The following DOCK2 variants were observed in gnomAD, a reference collection of about 807,000 sequenced individuals.
DOCK2 encodes the protein dedicator of cytokinesis 2.
DOCK2 carries 87 observed loss-of-function variants against 248.9 expected under a neutral mutation model. That is an observed-to-expected ratio of 0.35 (90% CI 0.29 to 0.42). The LOEUF is 0.42. Ranked by LOEUF, DOCK2 falls within the 10% of genes least tolerant of loss-of-function variation. The pLI is 1.00. For missense variants in DOCK2, 1,747 were observed against 2,300.2 expected, an observed-to-expected ratio of 0.76 and a Z score of 4.92; for synonymous variants, 805 against 821.6, an observed-to-expected ratio of 0.98 and a Z score of 0.35.
chr5:169,712,060 T>C (rs1248464265), intron 16 of DOCK2, 53 bp downstream of exon 16: 3 of 1,613,498 alleles, frequency 1.9e-6, no homozygotes, highest in Non-Finnish European at 2.5e-6. Flanking sequence ...GGGAGAAGAA[T>C]GGAAGAGCTG....
At chr5:169,660,266 C>T (rs1462127060) in intron 2 of DOCK2, among the ~76,000 whole-genome samples, 5 of 152,050 alleles carry the variant, frequency 3.3e-5, no homozygotes, top group Admixed American at 2.0e-4. Flanking sequence ...CCCAGGAGTT[C>T]GAGGCTGCAG....
At chr5:169,997,875 C>T (rs1196261357) in intron 30 of DOCK2, 4 of 454,538 alleles carry the variant, frequency 8.8e-6, no homozygotes, top group Non-Finnish European at 1.8e-5. Flanking sequence ...TGGGCTTTCG[C>T]CTCTCAGAAG....
In DOCK2 at chr5:169,797,478, A is replaced by G. The variant is rs6885765; in HGVS notation, c.2555-5580A>G. On this transcript the variant is annotated intron_variant, in intron 25 of 51. Coordinates refer to ENST00000520908, the MANE Select transcript of DOCK2 (RefSeq NM_004946.3). Reference sequence around the variant, plus strand: ...CTTCAAGAGGGCTTTGCATTCAGGTAGGTAGCACTGACCGCCACATGACAA... The same window carrying G: ...CTTCAAGAGGGCTTTGCATTCAGGTGGGTAGCACTGACCGCCACATGACAA... 7.9e-3 allele frequency among the ~76,000 whole-genome samples: 1,196 copies of G among 152,338 alleles called. 17 individuals are homozygous for G. Among genetic ancestry groups the G allele is most frequent in the African/African-American group, 0.028 (1,147 of 41,566 alleles).
chr5:169,662,943 G>C (rs545479887), intron 2 of DOCK2, among the ~76,000 whole-genome samples: 1 of 152,126 alleles, frequency 6.6e-6, no homozygotes, highest in Non-Finnish European at 1.5e-5. Flanking sequence ...ACTCACTCCA[G>C]CATTAACTCA....
At position 169,873,828 on chromosome 5, in the gene DOCK2, G is replaced by A. The variant is rs142578655; in HGVS notation, c.2799+32976G>A. On this transcript the variant is annotated intron_variant, in intron 27 of 51. Transcript: ENST00000520908. ...CAGAAGCACTCTCAGACCTCCAACC[G>A]TGTGACCTCAAGCGGCTCACACAGC... Among the ~76,000 whole-genome samples, 70 of 152,262 alleles carry A rather than the reference G, an allele frequency of 4.6e-4. No homozygotes were observed. In the East Asian group the frequency reaches 0.012, roughly 26 times the overall value.
chr5:169,997,588 G>A (rs1464326567), intron 30 of DOCK2, among the ~76,000 whole-genome samples: 2 of 144,046 alleles, frequency 1.4e-5, no homozygotes, highest in Non-Finnish European at 3.0e-5. Flanking sequence ...TTAGGGAGTG[G>A]TGATGACTCT....
intron 27 of DOCK2, among the ~76,000 whole-genome samples, chr5:169,842,395 T>C (rs1036965418): frequency 1.3e-5 from 2 of 152,188 alleles, no homozygotes; most frequent in Non-Finnish European, 2.9e-5. Context: ...TCTCACTCTG[T>C]CGCCCAGGCT....
chr5:169,946,603 A>G (rs974164093), intron 27 of DOCK2, among the ~76,000 whole-genome samples: 13 of 152,202 alleles, frequency 8.5e-5, no homozygotes, highest in Non-Finnish European at 1.8e-4. Context: ...TCATTCCACC[A>G]GTCTACTGAG....
intron 26 of DOCK2, among the ~76,000 whole-genome samples, chr5:169,810,558 T>G (rs572879288): frequency 1.3e-5 from 2 of 152,124 alleles, no homozygotes; most frequent in African/African-American, 4.8e-5. Flanking sequence ...TACAAAAAGG[T>G]GGGTTGGTTA....
At chr5:169,941,951 C>A (rs1776261425) in intron 27 of DOCK2, among the ~76,000 whole-genome samples, 1 of 152,228 alleles carries the variant, frequency 6.6e-6, no homozygotes, top group Admixed American at 6.5e-5. Context: ...AAAAAACACA[C>A]ACCATTCAGA....
intron 27 of DOCK2, among the ~76,000 whole-genome samples, chr5:169,912,126 C>G (rs1248606050): frequency 6.6e-6 from 1 of 152,120 alleles, no homozygotes; most frequent in African/African-American, 2.4e-5. Context: ...ACAAGGGACC[C>G]TGGGTATAAA....
chr5:170,016,385 T>G (rs1215919075), intron 32 of DOCK2, among the ~76,000 whole-genome samples: 2 of 152,266 alleles, frequency 1.3e-5, no homozygotes, highest in Non-Finnish European at 2.9e-5. Flanking sequence ...TGCATGTGTA[T>G]GCATCTATGT....
intron 7 of DOCK2, among the ~76,000 whole-genome samples, chr5:169,682,459 G>A (rs940480910): frequency 6.6e-6 from 1 of 152,226 alleles, no homozygotes; most frequent in Non-Finnish European, 1.5e-5. Flanking sequence ...CACCAGGGGA[G>A]TTTAGGCAAT....
rs574785142 is a variant in DOCK2, at chr5:169,846,300, A to C, written c.2799+5448A>C. On this transcript the variant is annotated intron_variant, in intron 27 of 51. Coordinates refer to ENST00000520908, the MANE Select transcript of DOCK2 (RefSeq NM_004946.3). ...TGCAGTAAAAGGTTTTAGCCACTAAAATCACAGGAACCATGGGGCTAGGAT... is the reference window on the plus strand; with the variant it reads ...TGCAGTAAAAGGTTTTAGCCACTAACATCACAGGAACCATGGGGCTAGGAT... Among the ~76,000 whole-genome samples the C allele has an allele frequency of 3.3e-5, 5 of 152,236 alleles. No homozygotes were observed. The South Asian group carries it at 1.0e-3, about 32-fold the overall frequency.
chr5:169,676,758 T>C (rs1178296505), intron 6 of DOCK2, among the ~76,000 whole-genome samples: 1 of 152,174 alleles, frequency 6.6e-6, no homozygotes, highest in Non-Finnish European at 1.5e-5. Context: ...GGAGGAGTGA[T>C]CAGAATGAGC....
rs117743628 is a variant in DOCK2, at chr5:169,812,305, G to C, written c.2703+9099G>C. Among the ~76,000 whole-genome samples the C allele has an allele frequency of 2.8e-3, 422 of 152,318 alleles. 16 individuals carry two copies. In the East Asian group the frequency reaches 0.065, roughly 23 times the overall value. ...AGTCTAGGGTGCATGCTCCTTATGA[G>C]AATCTAATGCCTAATGATCTGTCAC... is the stretch of plus-strand genomic sequence containing the variant. On this transcript the variant is annotated intron_variant, in intron 26 of 51. Coordinates refer to ENST00000520908, the MANE Select transcript of DOCK2 (RefSeq NM_004946.3).
At chr5:170,011,339 C>T (rs1270297420) in intron 32 of DOCK2, among the ~76,000 whole-genome samples, 1 of 152,158 alleles carries the variant, frequency 6.6e-6, no homozygotes, top group Non-Finnish European at 1.5e-5. Context: ...TGTACAAGAT[C>T]ATGTAGTGGG....
chr5:169,641,010 C>T (rs1561897790), intron 1 of DOCK2, among the ~76,000 whole-genome samples: 1 of 152,218 alleles, frequency 6.6e-6, no homozygotes. Context: ...CCCCCAGCTG[C>T]CAGTGGTTTG....
chr5:169,768,015 A>G (rs998454826), intron 25 of DOCK2, among the ~76,000 whole-genome samples: 1 of 152,244 alleles, frequency 6.6e-6, no homozygotes, highest in Non-Finnish European at 1.5e-5. Context: ...GATGAAGGTC[A>G]TATGCCTTTT....
Sources: allele counts gnomAD v4.1 joint callset (sites outside exome capture counted in the v4.1 genomes callset), GRCh38; gene constraint gnomAD v4.1.1; transcripts MANE v1.5; gene names NCBI Gene and HGNC (gene_info 2026-07-23, HGNC 2026-07-21).